Variants in MTMR2 observed in about 807,000 individuals in gnomAD.
MTMR2 encodes the protein phosphatidylinositol-3,5-bisphosphate 3-phosphatase MTMR2.
MTMR2 carries 55 observed loss-of-function variants against 86.9 expected under a neutral mutation model. That is an observed-to-expected ratio of 0.63 (90% CI 0.51 to 0.79). MTMR2 has a LOEUF of 0.79. Ranked by LOEUF, MTMR2 falls within the 30% of genes least tolerant of loss-of-function variation. The pLI is 0.00. For synonymous variants in MTMR2, 241 were observed against 266.8 expected, an observed-to-expected ratio of 0.90 and a Z score of 0.94; for missense variants, 659 against 772.3, an observed-to-expected ratio of 0.85 and a Z score of 1.74.
intron 2 of MTMR2, among the ~76,000 whole-genome samples, chr11:95,874,402 G>A (rs1865016679): frequency 6.6e-6 from 1 of 152,104 alleles, no homozygotes. Context: ...TTTTATCAGA[G>A]ACTAGGATTG....
At chr11:95,905,331 GCACACACACA>G (rs10552965) in intron 1 of MTMR2, among the ~76,000 whole-genome samples, 130 of 148,088 alleles carry the variant, frequency 8.8e-4, no homozygotes, top group East Asian at 4.6e-3. Flanking sequence ...ACGCACCTGC[GCACACACACA>G]CACACACACA....
At chr11:95,873,083 T>C (rs1178358177) in intron 2 of MTMR2, among the ~76,000 whole-genome samples, 1 of 152,206 alleles carries the variant, frequency 6.6e-6, no homozygotes, top group African/African-American at 2.4e-5. Flanking sequence ...TTCTCTTTTT[T>C]TGTTGTGTCT....
At chr11:95,909,071 A>G (rs550264243) in intron 1 of MTMR2, among the ~76,000 whole-genome samples, 2 of 152,140 alleles carry the variant, frequency 1.3e-5, no homozygotes, top group Admixed American at 1.3e-4. Flanking sequence ...TCATTCCCAC[A>G]CATTTTTTTC....
At position 95,888,213 on chromosome 11, in the gene MTMR2, A is replaced by G. The variant is rs1865581590; in HGVS notation, c.129T>C (p.Ser43=). The change falls in exon 2 of 15, where the codon TCT becomes TCC. Residue 43 remains serine (S), a synonymous_variant. Coordinates refer to ENST00000346299, the MANE Select transcript of MTMR2 (RefSeq NM_016156.6). The part of the protein sequence containing the change: ...SENSVHTKSA[S]VVSSDSISTS... ...TTGAAATGGAATCTGATGATACAACAGAAGCTGATTTTGTATGCACTGAAT... is the reference window on the plus strand; with the variant it reads ...TTGAAATGGAATCTGATGATACAACGGAAGCTGATTTTGTATGCACTGAAT... 6.2e-7 allele frequency: 1 copy of G among 1,613,740 alleles called. No homozygotes were observed. The highest frequency in any genetic ancestry group is 1.7e-5 in the Admixed American group (1 of 60,028).
At position 95,862,274 on chromosome 11, in the gene MTMR2, G is replaced by C. The variant is rs142774695; in HGVS notation, c.355C>G (p.Arg119Gly). 4.5e-5 allele frequency: 73 copies of C among 1,613,136 alleles called. No individual in the cohort carries two copies. Among genetic ancestry groups the C allele is most frequent in the Non-Finnish European group, 5.9e-5 (70 of 1,179,360 alleles). Reference protein sequence around the residue: ...NYRLYFKSMERDPPFVLDASL... With the variant: ...NYRLYFKSMEGDPPFVLDASL... ...CAAAAATCTAATCTGACTCTTACCC[G>C]TTCCATGCTTTTGAAATATAACCTA... The change falls in exon 4 of 15, where the codon CGG becomes GGG. Residue 119 changes from arginine (R) to glycine (G), a missense_variant and splice_region_variant. Transcript: ENST00000346299.
chr11:95,851,437 A>C (rs1313657128), intron 7 of MTMR2, among the ~76,000 whole-genome samples: 1 of 151,982 alleles, frequency 6.6e-6, no homozygotes, highest in East Asian at 1.9e-4. Context: ...GATCTTGGCT[A>C]CTGCAACCTC....
At chr11:95,881,308 C>T (rs1289676805) in intron 2 of MTMR2, among the ~76,000 whole-genome samples, 1 of 151,968 alleles carries the variant, frequency 6.6e-6, no homozygotes, top group Non-Finnish European at 1.5e-5. Context: ...GGTGAATCTC[C>T]CCACTTTATT....
Position 95,835,086 on chromosome 11 carries a change from T to C in MTMR2, c.*204A>G. 1 of 581,610 alleles carries C rather than the reference T, an allele frequency of 1.7e-6. No homozygotes were observed. Among genetic ancestry groups the C allele is most frequent in the Non-Finnish European group, 3.1e-6 (1 of 326,260 alleles). 36.0% of individuals were successfully genotyped at this position (581,610 alleles called of 1,614,324 possible). On this transcript the variant is annotated 3_prime_UTR_variant, in exon 15 of 15. Coordinates refer to ENST00000346299, the MANE Select transcript of MTMR2 (RefSeq NM_016156.6). ...TTGGATACTTAAAAGATTAGTATCA[T>C]AATCATGTAATTACATATGGAGTTA...
In MTMR2 at chr11:95,904,094, A is replaced by T. The variant is rs187392384; in HGVS notation, c.81-15833T>A. On this transcript the variant is annotated intron_variant, in intron 1 of 14. Transcript: ENST00000346299. Reference sequence around the variant, plus strand: ...CACTGCACTTGATCTTGCCAAGACCACTGTACTCCAGCCTGGGTGACAGAG... The same window carrying T: ...CACTGCACTTGATCTTGCCAAGACCTCTGTACTCCAGCCTGGGTGACAGAG... Among the ~76,000 whole-genome samples, 193 of 152,234 alleles carry T rather than the reference A, an allele frequency of 1.3e-3. 2 individuals are homozygous for T. Among genetic ancestry groups the T allele is most frequent in the African/African-American group, 4.3e-3 (179 of 41,560 alleles).
chr11:95,858,529 A>T lies in MTMR2; in HGVS notation c.570+2T>A. On this transcript the variant is annotated splice_donor_variant, in intron 6 of 14. Coordinates refer to ENST00000346299, the MANE Select transcript of MTMR2 (RefSeq NM_016156.6). LOFTEE classifies it high-confidence loss of function. ...ATTTTCCAAAGACAGGAAACATTTT[A>T]CCAGGTTATTAGAGACAGGAAATGC... is the stretch of plus-strand genomic sequence containing the variant. 6.4e-7 allele frequency: 1 copy of T among 1,571,956 alleles called. No homozygotes were observed. Among genetic ancestry groups the T allele is most frequent in the Non-Finnish European group, 8.7e-7 (1 of 1,144,760 alleles).
chr11:95,849,824 G>T lies in MTMR2; in HGVS notation c.843C>A (p.Ile281=), dbSNP rs1217314381. The change falls in exon 9 of 15, where the codon ATC becomes ATA. Residue 281 remains isoleucine (I), a synonymous_variant. Transcript: ENST00000346299. ...CAACCATGGGCTGGCTACACCGAGT[G>T]ATTGTGGCTTGACTTTCAGGATGAA... The part of the protein sequence containing the change: ...SWIHPESQAT[I]TRCSQPMVGV... 4 of 1,614,154 alleles carry T rather than the reference G, an allele frequency of 2.5e-6. No homozygotes were observed. The African/African-American group carries it at 4.0e-5, about 16-fold the overall frequency.
chr11:95,883,472 A>G (rs1229311692), intron 2 of MTMR2, among the ~76,000 whole-genome samples: 4 of 152,244 alleles, frequency 2.6e-5, no homozygotes, highest in African/African-American at 7.2e-5. Flanking sequence ...CTGAGATTAA[A>G]TAAGTTTTAC....
Position 95,924,064 on chromosome 11 carries a change from G to T in MTMR2, c.-110C>A. The T allele has an allele frequency of 1.4e-6, 2 of 1,381,594 alleles. No individual in the cohort carries two copies. Among genetic ancestry groups the T allele is most frequent in the Non-Finnish European group, 2.0e-6 (2 of 996,538 alleles). 85.6% of individuals were successfully genotyped at this position (1,381,594 alleles called of 1,614,324 possible). ...CCGGGGCCGCAGTCAGGCCAGCGCC[G>T]GCCCGGGAGGGAGACCGGAAGCGGC... On this transcript the variant is annotated 5_prime_UTR_variant, in exon 1 of 15. Coordinates refer to ENST00000346299, the MANE Select transcript of MTMR2 (RefSeq NM_016156.6).
Position 95,834,819 on chromosome 11 carries a change from C to A in MTMR2, c.*471G>T. On this transcript the variant is annotated 3_prime_UTR_variant, in exon 15 of 15. Transcript: ENST00000346299. ...AATCAGTTACTGAAAAAAAGAAAAA[C>A]CTAGAATGGAGAAAGGGATATCAAA... 3 of 167,384 alleles carry A rather than the reference C, an allele frequency of 1.8e-5. No homozygotes were observed. Among genetic ancestry groups the A allele is most frequent in the East Asian group, 1.6e-4 (1 of 6,330 alleles). The allele number at this position is 167,384 out of a possible 1,614,324, so 10.4% of individuals were successfully genotyped here.
chr11:95,873,905 T>C (rs995823774), intron 2 of MTMR2, among the ~76,000 whole-genome samples: 3 of 152,216 alleles, frequency 2.0e-5, no homozygotes, highest in Non-Finnish European at 2.9e-5. Context: ...TTGAGTGGTT[T>C]TGAGTGAGTT....
intron 3 of MTMR2, among the ~76,000 whole-genome samples, chr11:95,864,450 G>A (rs1864534617): frequency 6.6e-6 from 1 of 152,104 alleles, no homozygotes; most frequent in South Asian, 2.1e-4. Context: ...TTGTCACAAT[G>A]CTAGATATAA....
intron 3 of MTMR2, 22 bp from the exon 4 acceptor site, chr11:95,862,388 AGTT>A: frequency 1.3e-6 from 2 of 1,532,230 alleles, no homozygotes; most frequent in Non-Finnish European, 1.8e-6. Flanking sequence ...AGAAGTCCAC[AGTT>A]TACTATACAT....
chr11:95,835,180 G>T lies in MTMR2; in HGVS notation c.*110C>A. ...TAGAGAGATTTAAAATAAATAAAGTGACTGAACTTTCTCTCATAGATGGGT... is the reference window on the plus strand; with the variant it reads ...TAGAGAGATTTAAAATAAATAAAGTTACTGAACTTTCTCTCATAGATGGGT... On this transcript the variant is annotated 3_prime_UTR_variant, in exon 15 of 15. Transcript: ENST00000346299. 1.7e-6 allele frequency: 2 copies of T among 1,143,562 alleles called. No homozygotes were observed. The highest frequency in any genetic ancestry group is 1.3e-5 in the South Asian group (1 of 76,190). The allele number at this position is 1,143,562 out of a possible 1,614,324, so 70.8% of individuals were successfully genotyped here.
At chr11:95,881,801 T>G (rs1800192243) in intron 2 of MTMR2, among the ~76,000 whole-genome samples, 1 of 152,206 alleles carries the variant, frequency 6.6e-6, no homozygotes, top group African/African-American at 2.4e-5. Flanking sequence ...TTTCATTTCT[T>G]GTATCATTTA....
Sources: allele counts gnomAD v4.1 joint callset (sites outside exome capture counted in the v4.1 genomes callset), GRCh38; gene constraint gnomAD v4.1.1; transcripts MANE v1.5; gene names NCBI Gene and HGNC (gene_info 2026-07-23, HGNC 2026-07-21).